PSD2: variants seen among roughly 807,000 people sequenced by gnomAD.
PSD2 encodes the protein pleckstrin and Sec7 domain containing 2, also known as PH and SEC7 domain-containing protein 2.
A neutral mutation model predicts 69.8 loss-of-function variants in PSD2; 38 were observed. The observed-to-expected ratio is 0.54, with a 90% CI of 0.42 to 0.71. The LOEUF (loss-of-function observed/expected upper bound fraction) is 0.71. Ranked by LOEUF, PSD2 falls within the 30% of genes least tolerant of loss-of-function variation. The pLI, the probability that PSD2 is intolerant of heterozygous loss-of-function variation, is 0.00. For missense variants in PSD2, 943 were observed against 1,014.5 expected, an observed-to-expected ratio of 0.93 and a Z score of 0.96; for synonymous variants, 412 against 423.0, an observed-to-expected ratio of 0.97 and a Z score of 0.32.
In PSD2 at chr5:139,837,538, C is replaced by T. The variant is rs957461846; in HGVS notation, c.1666-87C>T. 1.8e-5 allele frequency: 25 copies of T among 1,374,156 alleles called. No individual in the cohort carries two copies. Among genetic ancestry groups the T allele is most frequent in the South Asian group, 1.1e-4 (8 of 72,014 alleles). The allele number at this position is 1,374,156 out of a possible 1,614,324, so 85.1% of individuals were successfully genotyped here. A position where few individuals can be genotyped will look rare whatever the true frequency, so the allele number is the denominator to read the frequency against. ...AGCAGGAACAGAAAATTAAGGGAGC[C>T]GTAGGGTTAGACAGAGAGCAGTGAG... On this transcript the variant is annotated intron_variant, in intron 11 of 14. Transcript: ENST00000274710. The surrounding 1 kb of genome is among the most constrained non-coding windows in gnomAD (Gnocchi z 5.0).
At chr5:139,759,743 T>C in the PSD2 span, among the ~76,000 whole-genome samples, 1 of 152,138 alleles carries the variant, frequency 6.6e-6, no homozygotes, top group Non-Finnish European at 1.5e-5. Context: ...AATTCTTCCG[T>C]TTAATTATTT....
chr5:139,802,764 C>T (rs538130186), intron 1 of PSD2, among the ~76,000 whole-genome samples: 73 of 152,198 alleles, frequency 4.8e-4, no homozygotes, highest in African/African-American at 1.7e-3. Context: ...TGCAGATGTA[C>T]GCAAATGCTA....
intron 1 of PSD2, among the ~76,000 whole-genome samples, chr5:139,802,194 G>T (rs1317983150): frequency 6.6e-6 from 1 of 151,806 alleles, no homozygotes; most frequent in African/African-American, 2.4e-5. Context: ...AGGGGGTGGG[G>T]AGGAAGGCCA....
chr5:139,813,483 C>T lies in PSD2; in HGVS notation c.546C>T (p.Pro182=), dbSNP rs370320430. 1.9e-6 allele frequency: 3 copies of T among 1,613,692 alleles called. No homozygotes were observed. Among genetic ancestry groups the T allele is most frequent in the Admixed American group, 1.7e-5 (1 of 60,000 alleles). ...SCVSFEAPLT[P]LIQQRARDSP... ...TCAGCTTCGAGGCCCCCCTCACACC[C>T]CTCATCCAGCAGCGGGCCCGTGACA... The change falls in exon 3 of 15, where the codon CCC becomes CCT. Residue 182 remains proline (P), a synonymous_variant. Coordinates refer to ENST00000274710, the MANE Select transcript of PSD2 (RefSeq NM_032289.4).
At chr5:139,792,624 T>A (rs908168001), upstream of PSD2, among the ~76,000 whole-genome samples, 1 of 152,152 alleles carries the variant, frequency 6.6e-6, no homozygotes, top group Non-Finnish European at 1.5e-5. Context: ...AGCTGCGCAT[T>A]CTTCTTTCCC....
the PSD2 span, among the ~76,000 whole-genome samples, chr5:139,753,310 G>A: frequency 4.6e-5 from 7 of 152,122 alleles, no homozygotes; most frequent in Admixed American, 3.9e-4. Context: ...CTCCATTCAG[G>A]GCCATGGGGG....
In PSD2 at chr5:139,813,544, A is replaced by C; in HGVS notation, c.607A>C (p.Met203Leu). 6.2e-7 allele frequency: 1 copy of C among 1,610,348 alleles called. No homozygotes were observed. The highest frequency in any genetic ancestry group is 1.7e-4 in the Middle Eastern group (1 of 6,044). ...AGGGGCTGGGTTGGGCATTGGGGAC[A>C]TGGCGTTTGAGGGGGACATGGGGGC... is the stretch of plus-strand genomic sequence containing the variant. ...EPGAGLGIGD[M>L]AFEGDMGAAG... is the part of the protein sequence containing the mutation. Residue 203 changes from methionine to leucine, a missense_variant, in exon 3 of 15, where the codon ATG (methionine) becomes CTG (leucine). Coordinates refer to ENST00000274710, the MANE Select transcript of PSD2 (RefSeq NM_032289.4).
At chr5:139,791,041 A>G (rs1759407664), upstream of PSD2, among the ~76,000 whole-genome samples, 1 of 151,546 alleles carries the variant, frequency 6.6e-6, no homozygotes, top group Non-Finnish European at 1.5e-5. Context: ...ACAAAAGTGA[A>G]ACTTCATCTC....
intron 7 of PSD2, among the ~76,000 whole-genome samples, chr5:139,832,699 T>C (rs572953362): frequency 1.6e-4 from 25 of 152,364 alleles, no homozygotes; most frequent in African/African-American, 6.0e-4. Context: ...TGGAAAACAC[T>C]GCTTTAGAGC....
the PSD2 span, among the ~76,000 whole-genome samples, chr5:139,765,329 C>T: frequency 1.4e-4 from 21 of 152,246 alleles, no homozygotes; most frequent in African/African-American, 5.1e-4. Flanking sequence ...GCCCTCTTTC[C>T]AGTTTAGGCT....
intron 1 of PSD2, among the ~76,000 whole-genome samples, chr5:139,800,254 C>T (rs1318368029): frequency 6.6e-6 from 1 of 152,254 alleles, no homozygotes; most frequent in Non-Finnish European, 1.5e-5. Context: ...TACCCCACTC[C>T]TGCACATGCA....
chr5:139,758,442 A>C, the PSD2 span, among the ~76,000 whole-genome samples: 1 of 152,032 alleles, frequency 6.6e-6, no homozygotes, highest in Non-Finnish European at 1.5e-5. Flanking sequence ...AGTGCTGCGG[A>C]CCGTGCGGGC....
At chr5:139,760,415 A>G in the PSD2 span, among the ~76,000 whole-genome samples, 1 of 152,078 alleles carries the variant, frequency 6.6e-6, no homozygotes, top group Non-Finnish European at 1.5e-5. Context: ...GTGCTCACAG[A>G]TGCCTGCCAT....
the PSD2 span, among the ~76,000 whole-genome samples, chr5:139,766,418 A>G: frequency 6.6e-6 from 1 of 152,048 alleles, no homozygotes; most frequent in African/African-American, 2.4e-5. Context: ...CCTGTTTCTC[A>G]GTCTTCAGCA....
Position 139,813,558 on chromosome 5 carries a change from G to T in PSD2, c.621G>T (p.Gly207=), listed in dbSNP as rs1478040604. The T allele has an allele frequency of 3.1e-6, 5 of 1,612,020 alleles. No individual in the cohort carries two copies. The highest frequency in any genetic ancestry group is 4.2e-6 in the Non-Finnish European group (5 of 1,178,334). Residue 207 remains glycine, a synonymous_variant, in exon 3 of 15, where the codon GGG becomes GGT. Coordinates refer to ENST00000274710, the MANE Select transcript of PSD2 (RefSeq NM_032289.4). ...GCATTGGGGACATGGCGTTTGAGGGGGACATGGGGGCAGCTGGTGGTGATG... is the reference window on the plus strand; with the variant it reads ...GCATTGGGGACATGGCGTTTGAGGGTGACATGGGGGCAGCTGGTGGTGATG... ...GLGIGDMAFE[G]DMGAAGGDGE...
chr5:139,757,101 A>G, the PSD2 span, among the ~76,000 whole-genome samples: 4 of 152,240 alleles, frequency 2.6e-5, no homozygotes, highest in Admixed American at 2.6e-4. Flanking sequence ...CATAGATTGC[A>G]TGAAGCGGAT....
intron 1 of PSD2, among the ~76,000 whole-genome samples, chr5:139,805,796 G>T (rs1759789716): frequency 6.6e-6 from 1 of 152,210 alleles, no homozygotes; most frequent in African/African-American, 2.4e-5. Flanking sequence ...ATGTGGGAGA[G>T]CATGGGGACA....
intron 4 of PSD2, among the ~76,000 whole-genome samples, chr5:139,817,065 G>A (rs1159095326): frequency 6.6e-6 from 1 of 152,204 alleles, no homozygotes. Flanking sequence ...AATACAGACT[G>A]ACCATCCCTG....
At chr5:139,754,261 C>T in the PSD2 span, among the ~76,000 whole-genome samples, 1 of 152,162 alleles carries the variant, frequency 6.6e-6, no homozygotes, top group Non-Finnish European at 1.5e-5. Context: ...GAAACCCCAT[C>T]TCTACAAAAA....
Sources: gnomAD v4.1 joint callset for allele counts (sites outside exome capture counted in the v4.1 genomes callset) on GRCh38, gnomAD v4.1.1 for gene constraint, Gnocchi (gnomAD v3.1) non-coding constraint, MANE v1.5 for transcripts, NCBI Gene and HGNC (gene_info 2026-07-23, HGNC 2026-07-21) for gene names.